DNAI7: variants seen among roughly 807,000 people sequenced by gnomAD.
DNAI7 encodes the protein cancer susceptibility 1.
DNAI7 carries 78 observed loss-of-function variants against 86.6 expected under a neutral mutation model. The observed-to-expected ratio is 0.90, with a 90% CI of 0.75 to 1.09. The LOEUF (loss-of-function observed/expected upper bound fraction) is 1.09, where lower values mean the gene tolerates loss of function less well. Ranked by LOEUF, DNAI7 falls within the 50% of genes least tolerant of loss-of-function variation. The pLI, the probability that DNAI7 is intolerant of heterozygous loss-of-function variation, is 0.00. For missense variants in DNAI7, 753 were observed against 810.2 expected, an observed-to-expected ratio of 0.93 and a Z score of 0.86; for synonymous variants, 274 against 273.0, an observed-to-expected ratio of 1.00 and a Z score of -0.04.
intron 9 of DNAI7, among the ~76,000 whole-genome samples, chr12:25,133,028 C>T (rs1445591097): frequency 6.6e-6 from 1 of 152,098 alleles, no homozygotes; most frequent in African/African-American, 2.4e-5. Context: ...GGTTTTGATG[C>T]ACTGGTAAGT....
intron 2 of DNAI7, among the ~76,000 whole-genome samples, chr12:25,189,966 T>G (rs1261484215): frequency 7.7e-6 from 1 of 129,934 alleles, no homozygotes; most frequent in Non-Finnish European, 1.6e-5. Context: ...GATTGTTGCA[T>G]AAAAATAGGT....
At chr12:25,177,569 T>G (rs1949091086) in intron 2 of DNAI7, among the ~76,000 whole-genome samples, 1 of 152,228 alleles carries the variant, frequency 6.6e-6, no homozygotes, top group Non-Finnish European at 1.5e-5. Flanking sequence ...TGCTAGACAT[T>G]GGATTGTTTC....
chr12:25,128,491 C>T (rs142546350), intron 9 of DNAI7, among the ~76,000 whole-genome samples: 1 of 152,274 alleles, frequency 6.6e-6, no homozygotes, highest in African/African-American at 2.4e-5. Flanking sequence ...ACATAACCTG[C>T]ACGTGAACAT....
intron 2 of DNAI7, among the ~76,000 whole-genome samples, chr12:25,182,991 G>T (rs956155614): frequency 2.6e-5 from 4 of 151,368 alleles, no homozygotes; most frequent in African/African-American, 7.3e-5. Context: ...AGGAGAGAAG[G>T]AGAGAAAGAA....
intron 9 of DNAI7, among the ~76,000 whole-genome samples, chr12:25,132,404 AC>A (rs1943041642): frequency 6.6e-6 from 1 of 152,202 alleles, no homozygotes; most frequent in African/African-American, 2.4e-5. Context: ...ATTTAACAAT[AC>A]AGCTTAGGGA....
chr12:25,127,230 C>T (rs1365309276), intron 9 of DNAI7, among the ~76,000 whole-genome samples: 2 of 152,080 alleles, frequency 1.3e-5, no homozygotes, highest in African/African-American at 2.4e-5. Context: ...AACGTGCTCC[C>T]GCACAAAAAC....
Position 25,108,616 on chromosome 12 carries a change from A to G in DNAI7, c.2101T>C (p.Ser701Pro). 1 of 1,613,882 alleles carries G rather than the reference A, an allele frequency of 6.2e-7. No homozygotes were observed. Among genetic ancestry groups the G allele is most frequent in the Non-Finnish European group, 8.5e-7 (1 of 1,179,914 alleles). ...ACAGAGTTGACAAACTGACAGTTGG[A>G]ACTCCTGACTTTCTCCATTGCTTCC... ...SEEAMEKVRS[S>P]NCQFVNSVCH... The change falls in exon 16 of 16, where the codon TCC (serine) becomes CCC (proline). Residue 701 changes from serine to proline, a missense_variant. By Grantham distance (74) the Ser-to-Pro change is moderately conservative. Coordinates refer to ENST00000395987, the MANE Select transcript of DNAI7 (RefSeq NM_018272.5).
rs757797743 is a variant in DNAI7 at position 25,114,751 on chromosome 12, T to C, written c.1516A>G (p.Met506Val). The change falls in exon 13 of 16, where the codon ATG becomes GTG. Residue 506 changes from methionine (M) to valine (V), a missense_variant. Coordinates refer to ENST00000395987, the MANE Select transcript of DNAI7 (RefSeq NM_018272.5). ...CTTAGTTCCCATGACTGGTACGGCA[T>C]GTTAATATGAGCATCTTGAATCAAG... ...VTLIQDAHIN[M>V]PYQSWELRPL... 13 of 1,613,948 alleles carry C rather than the reference T, an allele frequency of 8.1e-6. No individual in the cohort carries two copies. The highest frequency in any genetic ancestry group is 1.1e-5 in the Non-Finnish European group (13 of 1,179,828).
At chr12:25,192,016 T>C (rs1442731164) in intron 1 of DNAI7, among the ~76,000 whole-genome samples, 1 of 152,240 alleles carries the variant, frequency 6.6e-6, no homozygotes, top group Non-Finnish European at 1.5e-5. Flanking sequence ...GTTTAACACA[T>C]ATCAGTAGAT....
At chr12:25,120,616 C>CT (rs1267797057) in intron 11 of DNAI7, among the ~76,000 whole-genome samples, 2 of 151,604 alleles carry the variant, frequency 1.3e-5, no homozygotes, top group African/African-American at 4.8e-5. Context: ...GTCCCAGCTA[C>CT]CGGGAGGCTG....
intron 2 of DNAI7, among the ~76,000 whole-genome samples, chr12:25,181,845 G>A (rs986593697): frequency 6.6e-6 from 1 of 151,928 alleles, no homozygotes; most frequent in African/African-American, 2.4e-5. Context: ...TAGTCAGAAT[G>A]TCTACTATTA....
intron 1 of DNAI7, among the ~76,000 whole-genome samples, chr12:25,193,744 C>G (rs1390919053): frequency 6.6e-6 from 1 of 152,140 alleles, no homozygotes; most frequent in African/African-American, 2.4e-5. Flanking sequence ...TTACTGTTCC[C>G]CCAATTTATT....
intron 2 of DNAI7, among the ~76,000 whole-genome samples, chr12:25,165,571 A>G (rs1347519056): frequency 1.3e-5 from 2 of 152,204 alleles, no homozygotes; most frequent in Admixed American, 1.3e-4. Flanking sequence ...CTCTGGCCCA[A>G]GGCTCTCTGA....
intron 12 of DNAI7, among the ~76,000 whole-genome samples, 153 bp downstream of exon 12, chr12:25,118,992 T>A (rs139341105): frequency 6.6e-6 from 1 of 152,272 alleles, no homozygotes; most frequent in Non-Finnish European, 1.5e-5. Flanking sequence ...CCAACACTTA[T>A]TCATTTCCAT....
chr12:25,141,140 A>T (rs1288267456), intron 9 of DNAI7, among the ~76,000 whole-genome samples: 3 of 152,246 alleles, frequency 2.0e-5, no homozygotes, highest in African/African-American at 7.2e-5. Flanking sequence ...ACCCTTCTAG[A>T]CATTGGCTTA....
chr12:25,150,239 G>A (rs1215255707), intron 6 of DNAI7, among the ~76,000 whole-genome samples: 1 of 152,102 alleles, frequency 6.6e-6, no homozygotes, highest in Non-Finnish European at 1.5e-5. Flanking sequence ...CTCTGATTGG[G>A]GAAAATGTAC....
chr12:25,137,901 T>C (rs776084548), intron 9 of DNAI7, among the ~76,000 whole-genome samples: 2 of 151,898 alleles, frequency 1.3e-5, no homozygotes, highest in Non-Finnish European at 2.9e-5. Context: ...AAACAATTAC[T>C]ACTAGACCTA....
At chr12:25,143,002 T>C (rs1944390415) in intron 9 of DNAI7, among the ~76,000 whole-genome samples, 2 of 152,056 alleles carry the variant, frequency 1.3e-5, no homozygotes, top group African/African-American at 4.8e-5. Flanking sequence ...AGAGTTCACA[T>C]GAAATTTTTA....
intron 9 of DNAI7, among the ~76,000 whole-genome samples, chr12:25,131,563 G>A (rs1179800485): frequency 4.6e-5 from 7 of 152,160 alleles, no homozygotes; most frequent in Non-Finnish European, 1.5e-5. Context: ...TGGAGGATCA[G>A]AACTGCAGAG....
Sources: allele counts gnomAD v4.1 joint callset (sites outside exome capture counted in the v4.1 genomes callset), GRCh38; gene constraint gnomAD v4.1.1; transcripts MANE v1.5; gene names NCBI Gene and HGNC (gene_info 2026-07-23, HGNC 2026-07-21).